Variants in LEF1 observed in about 807,000 individuals in gnomAD.
LEF1 encodes the protein lymphoid enhancer-binding factor 1.
Under a neutral mutation model 51.2 loss-of-function variants are expected in LEF1, and 14 were observed. That is an observed-to-expected ratio of 0.27 (90% CI 0.18 to 0.43). The LOEUF is 0.43. LEF1 is among the 20% of genes least tolerant of loss of function. The probability of loss-of-function intolerance (pLI) is 1.00; values close to 1 mark genes in which losing one functional copy is unlikely to be tolerated. For synonymous variants in LEF1, 185 were observed against 183.2 expected (o/e 1.01, Z -0.08); for missense variants, 386 against 512.0 (o/e 0.75, Z 2.37).
chr4:108,157,287 G>C (rs2110409760), intron 3 of LEF1, among the ~76,000 whole-genome samples: 1 of 150,786 alleles, frequency 6.6e-6, no homozygotes, highest in Non-Finnish European at 1.5e-5. Context: ...TGCAACCTCA[G>C]ACTCCTGGGT....
At chr4:108,160,261 AT>A (rs909576089) in intron 3 of LEF1, among the ~76,000 whole-genome samples, 3 of 152,130 alleles carry the variant, frequency 2.0e-5, no homozygotes, top group African/African-American at 7.2e-5. Flanking sequence ...GTAAAGAACT[AT>A]TTTTTTCTTT....
At chr4:108,143,240 A>G (rs571449515) in intron 3 of LEF1, among the ~76,000 whole-genome samples, 1 of 152,266 alleles carries the variant, frequency 6.6e-6, no homozygotes, top group Non-Finnish European at 1.5e-5. Context: ...TACAGTTTTT[A>G]TGTTTGTTTC....
chr4:108,103,933 T>C (rs930352291), intron 3 of LEF1, among the ~76,000 whole-genome samples: 2 of 152,170 alleles, frequency 1.3e-5, no homozygotes, highest in Admixed American at 6.5e-5. Flanking sequence ...TCTGAAAGAA[T>C]TGAAATCATA....
Position 108,065,560 on chromosome 4 carries a change from C to G in LEF1, c.1117-1176G>C, listed in dbSNP as rs142655652. On this transcript the variant is annotated intron_variant, in intron 9 of 11. Transcript: ENST00000265165. ...TGCCGTTTCTCAGGGTCACTGATAT[C>G]TGCTCTTTGCCTCAGTGTTGGGGAG... Among the ~76,000 whole-genome samples, 576 of 152,284 alleles carry G rather than the reference C, an allele frequency of 3.8e-3. 3 individuals carry two copies. Among genetic ancestry groups the G allele is most frequent in the African/African-American group, 0.013 (543 of 41,568 alleles).
chr4:108,076,187 T>G (rs745316544), intron 8 of LEF1, among the ~76,000 whole-genome samples: 2 of 152,222 alleles, frequency 1.3e-5, no homozygotes, highest in Non-Finnish European at 2.9e-5. Context: ...CTGTTCTTTC[T>G]CACTGAATCT....
intron 3 of LEF1, 114 bp downstream of exon 3, chr4:108,163,454 C>T: frequency 9.0e-7 from 1 of 1,111,822 alleles, no homozygotes; most frequent in Non-Finnish European, 1.3e-6. Context: ...TTAGCAACGA[C>T]TAGTTATATA....
At chr4:108,089,298 C>A in intron 3 of LEF1, 41 bp from the exon 4 acceptor site, 1 of 1,584,922 alleles carries the variant, frequency 6.3e-7, no homozygotes, top group South Asian at 1.1e-5. Flanking sequence ...TATGGATGCC[C>A]AGCTCCAGTC....
intron 9 of LEF1, 128 bp downstream of exon 9, chr4:108,070,535 C>T: frequency 3.7e-6 from 2 of 542,952 alleles, no homozygotes; most frequent in Non-Finnish European, 6.6e-6. Flanking sequence ...ATCCTTATTA[C>T]AAAGTTCATT....
intron 3 of LEF1, among the ~76,000 whole-genome samples, chr4:108,103,753 AGTT>A (rs1290122510): frequency 6.6e-6 from 1 of 152,196 alleles, no homozygotes; most frequent in Non-Finnish European, 1.5e-5. Flanking sequence ...CTACTAATTC[AGTT>A]GTTTTCTCTA....
intron 8 of LEF1, chr4:108,072,813 G>C (rs1300244101): frequency 6.6e-6 from 1 of 152,226 alleles, no homozygotes; most frequent in Non-Finnish European, 1.5e-5. Context: ...GCAACTGACA[G>C]CTTTTTAAAC....
At chr4:108,120,931 T>C (rs1485602801) in intron 3 of LEF1, among the ~76,000 whole-genome samples, 1 of 152,232 alleles carries the variant, frequency 6.6e-6, no homozygotes, top group African/African-American at 2.4e-5. Flanking sequence ...TCACTTACTT[T>C]TGATAACCAA....
intron 8 of LEF1, among the ~76,000 whole-genome samples, chr4:108,075,666 A>G (rs1738807635): frequency 1.3e-5 from 2 of 152,242 alleles, no homozygotes; most frequent in African/African-American, 4.8e-5. Flanking sequence ...AACTGAAATC[A>G]CTTCAATCCC....
At chr4:108,107,917 A>G (rs1372147121) in intron 3 of LEF1, among the ~76,000 whole-genome samples, 3 of 152,212 alleles carry the variant, frequency 2.0e-5, no homozygotes, top group Non-Finnish European at 4.4e-5. Flanking sequence ...CTGATCTTCT[A>G]GATGCTTACA....
chr4:108,142,686 A>G (rs1743745129), intron 3 of LEF1, among the ~76,000 whole-genome samples: 1 of 152,174 alleles, frequency 6.6e-6, no homozygotes, highest in African/African-American at 2.4e-5. Context: ...TATGTCCAGT[A>G]ATCACTCCCT....
chr4:108,109,706 A>G (rs1400113841), intron 3 of LEF1, among the ~76,000 whole-genome samples: 1 of 152,258 alleles, frequency 6.6e-6, no homozygotes, highest in Non-Finnish European at 1.5e-5. Context: ...TCTAGAAAAC[A>G]GAAGGCAAAA....
At position 108,168,340 on chromosome 4, in the gene LEF1, C is replaced by G. The variant is rs1346596765; in HGVS notation, c.-573G>C. 6.6e-6 allele frequency: 1 copy of G among 152,214 alleles called. No individual in the cohort carries two copies. Among genetic ancestry groups the G allele is most frequent in the East Asian group, 1.9e-4 (1 of 5,184 alleles). 9.4% of individuals were successfully genotyped at this position (152,214 alleles called of 1,614,324 possible). ...AGAAGGTGCAAGGATCAGAAGATAA[C>G]GAAACGTCCACTTCCTGAAGGGTGG... On this transcript the variant is annotated 5_prime_UTR_variant, in exon 1 of 12. Coordinates refer to ENST00000265165, the MANE Select transcript of LEF1 (RefSeq NM_016269.5). This position sits in a 1 kb window ranked among gnomAD's most constrained non-coding sequence, Gnocchi z 4.6.
At chr4:108,143,380 C>T (rs556736666) in intron 3 of LEF1, among the ~76,000 whole-genome samples, 34 of 152,246 alleles carry the variant, frequency 2.2e-4, no homozygotes, top group South Asian at 1.5e-3. Context: ...TGGAAAAGTG[C>T]CATCTTTCCT....
chr4:108,067,658 T>C (rs1738166852), intron 9 of LEF1, among the ~76,000 whole-genome samples: 1 of 151,712 alleles, frequency 6.6e-6, no homozygotes, highest in African/African-American at 2.4e-5. Flanking sequence ...GCCTCCCGAG[T>C]AGCTGGGATT....
At chr4:108,057,740 A>G (rs1171542972) in intron 11 of LEF1, among the ~76,000 whole-genome samples, 1 of 152,174 alleles carries the variant, frequency 6.6e-6, no homozygotes. Flanking sequence ...AAAAAATGTA[A>G]ATCCAAGCAC....
Sources: allele counts gnomAD v4.1 joint callset (sites outside exome capture counted in the v4.1 genomes callset), GRCh38; gene constraint gnomAD v4.1.1; non-coding constraint Gnocchi (gnomAD v3.1); transcripts MANE v1.5; gene names NCBI Gene and HGNC (gene_info 2026-07-23, HGNC 2026-07-21).